The following MECR variants were observed in gnomAD, a reference collection of about 807,000 sequenced individuals.
MECR encodes the protein enoyl-[acyl-carrier-protein] reductase, mitochondrial.
In MECR, 37 loss-of-function variants were observed where a neutral mutation model predicts 49.1. That is an observed-to-expected ratio of 0.75 (90% CI 0.58 to 0.99). The LOEUF (loss-of-function observed/expected upper bound fraction) is 0.99. MECR is among the 50% of genes least tolerant of loss of function. The pLI is 0.00. For missense variants in MECR, 470 were observed against 479.6 expected (o/e 0.98, Z 0.19); for synonymous variants, 198 against 191.1 (o/e 1.04, Z -0.30).
At chr1:29,180,413 G>A in the MECR span, among the ~76,000 whole-genome samples, 1 of 152,182 alleles carries the variant, frequency 6.6e-6, no homozygotes, top group Non-Finnish European at 1.5e-5. Flanking sequence ...GACGTCCTCA[G>A]AAAGAAAACG....
chr1:29,200,409 C>A, intron 7 of MECR, 107 bp downstream of exon 7: 1 of 1,029,362 alleles, frequency 9.7e-7, no homozygotes, highest in Non-Finnish European at 1.5e-6. Context: ...ATTGTGCTGA[C>A]CTGGACTTGG....
chr1:29,218,561 A>C (rs1038675522), intron 1 of MECR, among the ~76,000 whole-genome samples: 1 of 152,184 alleles, frequency 6.6e-6, no homozygotes, highest in Admixed American at 6.6e-5. Context: ...CTTGTGGTAA[A>C]AGTGTGATTT....
chr1:29,174,277 T>C, the MECR span, among the ~76,000 whole-genome samples: 1 of 151,914 alleles, frequency 6.6e-6, no homozygotes, highest in East Asian at 1.9e-4. Flanking sequence ...TACCGAGTAA[T>C]GGAATAGCTA....
the MECR span, among the ~76,000 whole-genome samples, chr1:29,187,205 C>T: frequency 1.3e-5 from 2 of 152,074 alleles, no homozygotes; most frequent in Non-Finnish European, 2.9e-5. Context: ...CACAGGTTAA[C>T]GCAAGAGCTT....
chr1:29,216,590 T>C lies in MECR; in HGVS notation c.272A>G (p.Gln91Arg). The change falls in exon 2 of 10, where the codon CAA (glutamine) becomes CGA (arginine). Residue 91 changes from glutamine to arginine, a missense_variant and splice_region_variant. Gln to Arg is a conservative substitution (Grantham distance 43). Coordinates refer to ENST00000263702, the MANE Select transcript of MECR (RefSeq NM_016011.5). Reference protein sequence around the residue: ...PINPSDINMIQGNYGFLPELP... With the variant: ...PINPSDINMIRGNYGFLPELP... ...TAAGCCACAGAAACCAAGGTTACCTTGGATCATATTTATGTCAGATGGATT... is the reference window on the plus strand; with the variant it reads ...TAAGCCACAGAAACCAAGGTTACCTCGGATCATATTTATGTCAGATGGATT... 2 of 1,614,128 alleles carry C rather than the reference T, an allele frequency of 1.2e-6. No homozygotes were observed. Among genetic ancestry groups the C allele is most frequent in the South Asian group, 1.1e-5 (1 of 91,084 alleles).
chr1:29,212,611 C>T (rs534384154), intron 3 of MECR, among the ~76,000 whole-genome samples: 22 of 152,166 alleles, frequency 1.4e-4, no homozygotes, highest in South Asian at 4.1e-4. Flanking sequence ...TCCAGCCCTA[C>T]GACACTGTCT....
chr1:29,183,241 C>T, the MECR span, among the ~76,000 whole-genome samples: 6 of 152,274 alleles, frequency 3.9e-5, no homozygotes, highest in East Asian at 9.6e-4. Context: ...TTTTGAAAAT[C>T]ATTCCTTAAG....
At chr1:29,186,950 T>TAA in the MECR span, among the ~76,000 whole-genome samples, 3 of 152,230 alleles carry the variant, frequency 2.0e-5, no homozygotes, top group Non-Finnish European at 4.4e-5. Flanking sequence ...GAATCTCTTT[T>TAA]TTCTCTTTCA....
chr1:29,222,296 A>G, intron 1 of MECR, among the ~76,000 whole-genome samples: 1 of 151,808 alleles, frequency 6.6e-6, no homozygotes, highest in Non-Finnish European at 1.5e-5. Context: ...ACAGGGTTTT[A>G]TCATGTTGGT....
At chr1:29,228,421 C>T (rs556669871) in intron 1 of MECR, among the ~76,000 whole-genome samples, 49 of 150,068 alleles carry the variant, frequency 3.3e-4, no homozygotes, top group Non-Finnish European at 4.7e-4. Context: ...GGCGCGATCT[C>T]GGCTCACTGC....
the MECR span, among the ~76,000 whole-genome samples, chr1:29,186,079 A>C: frequency 6.6e-6 from 1 of 152,222 alleles, no homozygotes; most frequent in African/African-American, 2.4e-5. Flanking sequence ...TACAGATGGG[A>C]AAGAGAGCCC....
At chr1:29,211,257 T>C (rs1320352163) in intron 3 of MECR, among the ~76,000 whole-genome samples, 2 of 152,190 alleles carry the variant, frequency 1.3e-5, no homozygotes, top group Non-Finnish European at 2.9e-5. Context: ...TTTGTAGAGA[T>C]GGACTTTCAC....
chr1:29,195,286 T>G (rs914667416), intron 9 of MECR, among the ~76,000 whole-genome samples: 2 of 152,174 alleles, frequency 1.3e-5, no homozygotes, highest in African/African-American at 4.8e-5. Context: ...GTTGCACGTG[T>G]GATTTTCGAT....
chr1:29,197,540 C>T (rs1006753637), intron 7 of MECR, among the ~76,000 whole-genome samples: 17 of 152,200 alleles, frequency 1.1e-4, no homozygotes, highest in African/African-American at 4.1e-4. Context: ...CTCCCCACTC[C>T]CTGGCTCTTC....
At position 29,201,898 on chromosome 1, in the gene MECR, G is replaced by T; in HGVS notation, c.756+45C>A. The T allele has an allele frequency of 6.9e-7, 1 of 1,454,728 alleles. No homozygotes were observed. The highest frequency in any genetic ancestry group is 9.7e-7 in the Non-Finnish European group (1 of 1,035,674). 90.1% of individuals were successfully genotyped at this position (1,454,728 alleles called of 1,614,324 possible). A position where few individuals can be genotyped will look rare whatever the true frequency, so the allele number is the denominator to read the frequency against. ...CTAATGCATGTCAACTTTCTTCAGG[G>T]AGATGTGCGTGGACTGGAGGGGCAA... is the stretch of plus-strand genomic sequence containing the variant. On this transcript the variant is annotated intron_variant, in intron 6 of 9. Transcript: ENST00000263702. This position sits in a 1 kb window ranked among gnomAD's most constrained non-coding sequence, Gnocchi z 4.3.
chr1:29,230,633 C>A, intron 1 of MECR, 98 bp downstream of exon 1: 1 of 1,448,134 alleles, frequency 6.9e-7, no homozygotes, highest in South Asian at 1.3e-5. Flanking sequence ...TCTCTGCCCC[C>A]TTCCTCGGAC....
the MECR span, among the ~76,000 whole-genome samples, chr1:29,174,977 GTTTT>G: frequency 5.6e-4 from 80 of 143,682 alleles, 1 homozygote; most frequent in South Asian, 8.9e-3. Flanking sequence ...TGGCCGGTGG[GTTTT>G]TTAATTAAAA....
At chr1:29,228,528 T>C (rs746550436) in intron 1 of MECR, among the ~76,000 whole-genome samples, 1 of 152,020 alleles carries the variant, frequency 6.6e-6, no homozygotes, top group Non-Finnish European at 1.5e-5. Flanking sequence ...ATTTTTGTAT[T>C]TTTAGTAGAG....
rs780633959 is a variant in MECR, at chr1:29,203,241, G to A, written c.551-8C>T. On this transcript the variant is annotated splice_polypyrimidine_tract_variant and splice_region_variant and intron_variant, in intron 4 of 9. Transcript: ENST00000263702. ...TCTGGATGACAGAATCCCCTGTGGA[G>A]CCAGGAAGAGAACCAAATCAAGCCC... The A allele has an allele frequency of 3.2e-6, 5 of 1,563,492 alleles. No individual in the cohort carries two copies. Among genetic ancestry groups the A allele is most frequent in the Non-Finnish European group, 4.4e-6 (5 of 1,149,258 alleles).
Sources: allele counts gnomAD v4.1 joint callset (sites outside exome capture counted in the v4.1 genomes callset), GRCh38; gene constraint gnomAD v4.1.1; non-coding constraint Gnocchi (gnomAD v3.1); transcripts MANE v1.5; gene names NCBI Gene and HGNC (gene_info 2026-07-23, HGNC 2026-07-21).